Variants in COMMD10 observed in about 807,000 individuals in gnomAD.
COMMD10 encodes the protein COMM domain-containing protein 10.
COMMD10 carries 33 observed loss-of-function variants against 28.9 expected under a neutral mutation model. That is an observed-to-expected ratio of 1.14 (90% CI 0.87 to 1.53). The LOEUF (loss-of-function observed/expected upper bound fraction) is 1.53. Among genes scored for constraint, COMMD10 ranks in the 40% most tolerant of loss-of-function variants. The pLI is 0.00. For missense variants in COMMD10, 310 were observed against 233.4 expected (o/e 1.33, Z -2.14); for synonymous variants, 110 against 81.7 (o/e 1.35, Z -1.87).
chr5:116,120,272 C>G (rs192620084), intron 4 of COMMD10, among the ~76,000 whole-genome samples: 3 of 152,090 alleles, frequency 2.0e-5, no homozygotes, highest in African/African-American at 4.8e-5. Context: ...AAATATCTTA[C>G]GTTCTCCCTT....
intron 5 of COMMD10, among the ~76,000 whole-genome samples, chr5:116,196,130 C>A (rs1046832466): frequency 1.5e-4 from 23 of 152,182 alleles, no homozygotes; most frequent in Admixed American, 9.8e-4. Flanking sequence ...AAGACACTTG[C>A]AAACACGCAT....
At chr5:116,278,938 C>A (rs1214904959) in intron 5 of COMMD10, among the ~76,000 whole-genome samples, 1 of 151,782 alleles carries the variant, frequency 6.6e-6, no homozygotes, top group Non-Finnish European at 1.5e-5. Context: ...ATATTGAAAT[C>A]ATTTAGACAA....
intron 5 of COMMD10, among the ~76,000 whole-genome samples, chr5:116,180,688 C>T (rs899351457): frequency 6.6e-6 from 1 of 151,600 alleles, no homozygotes; most frequent in African/African-American, 2.4e-5. Flanking sequence ...AAAAAATAAA[C>T]TCCCTAACTA....
At chr5:116,127,718 T>C (rs1411182533) in intron 4 of COMMD10, among the ~76,000 whole-genome samples, 3 of 151,226 alleles carry the variant, frequency 2.0e-5, no homozygotes, top group Admixed American at 6.6e-5. Context: ...TAGGTGGGAG[T>C]TGAACAATGA....
intron 5 of COMMD10, among the ~76,000 whole-genome samples, chr5:116,203,640 A>G (rs992796596): frequency 3.3e-5 from 5 of 152,140 alleles, no homozygotes; most frequent in Admixed American, 6.5e-5. Flanking sequence ...CAACCAAACT[A>G]AGCTTCATGA....
At chr5:116,275,958 G>GTA (rs139704662) in intron 5 of COMMD10, among the ~76,000 whole-genome samples, 9,345 of 148,454 alleles carry the variant, frequency 0.063, 397 homozygotes, top group East Asian at 0.14. Flanking sequence ...AAAAAAAAAT[G>GTA]TATATATATA....
rs139685175 is a variant in COMMD10 at position 116,208,682 on chromosome 5, C to T, written c.510+74504C>T. 1.0e-4 allele frequency among the ~76,000 whole-genome samples: 11 copies of T among 106,844 alleles called. No individual in the cohort carries two copies. In the East Asian group the frequency reaches 3.1e-3, roughly 30 times the overall value. The allele number at this position is 106,844 out of a possible 152,430, so 70.1% of individuals were successfully genotyped here. ...TTCCTTTTTTCACTGTGTGAATAGA[C>T]ATAGAGGTGACCACACGTTTTTTTC... On this transcript the variant is annotated intron_variant, in intron 5 of 6. Coordinates refer to ENST00000274458, the MANE Select transcript of COMMD10 (RefSeq NM_016144.4).
At chr5:116,090,440 A>G (rs1394029842) in intron 2 of COMMD10, among the ~76,000 whole-genome samples, 4 of 152,216 alleles carry the variant, frequency 2.6e-5, no homozygotes, top group African/African-American at 9.7e-5. Flanking sequence ...GAACTTAGAA[A>G]TAAACATTTG....
chr5:116,108,257 G>A (rs1224757449), intron 4 of COMMD10, among the ~76,000 whole-genome samples: 1 of 152,244 alleles, frequency 6.6e-6, no homozygotes, highest in East Asian at 1.9e-4. Flanking sequence ...GTTTAAGTCT[G>A]CTGAAGCTGC....
At chr5:116,110,929 C>T (rs1751023554) in intron 4 of COMMD10, among the ~76,000 whole-genome samples, 5 of 152,168 alleles carry the variant, frequency 3.3e-5, no homozygotes, top group Admixed American at 2.6e-4. Flanking sequence ...CCAATCACCT[C>T]CCATCAGGCC....
chr5:116,268,935 C>G (rs150217897), intron 5 of COMMD10, among the ~76,000 whole-genome samples: 1 of 150,096 alleles, frequency 6.7e-6, no homozygotes, highest in Non-Finnish European at 1.5e-5. Flanking sequence ...CATCACAAAC[C>G]GGAGCCTGTT....
rs899306585 is a variant in COMMD10, at chr5:116,085,173, C to T, written c.41+80C>T. ...GCTCGCACAAGGCTGTCCTTGCTGC[C>T]TGCCGCCTGGGCGCCGCGGCGGGCC... On this transcript the variant is annotated intron_variant, in intron 1 of 6. Transcript: ENST00000274458. 5.3e-4 allele frequency: 588 copies of T among 1,119,906 alleles called. 1 individual carries two copies. The highest frequency in any genetic ancestry group is 6.4e-4 in the Non-Finnish European group (535 of 838,894). The allele number at this position is 1,119,906 out of a possible 1,614,324, so 69.4% of individuals were successfully genotyped here.
intron 5 of COMMD10, among the ~76,000 whole-genome samples, chr5:116,179,442 C>T (rs1418616307): frequency 2.0e-5 from 3 of 151,978 alleles, no homozygotes; most frequent in South Asian, 4.1e-4. Flanking sequence ...TCTTTCCATT[C>T]GTAAATACCC....
chr5:116,214,052 G>T (rs1469709876), intron 5 of COMMD10, among the ~76,000 whole-genome samples: 1 of 152,110 alleles, frequency 6.6e-6, no homozygotes, highest in Middle Eastern at 3.4e-3. Context: ...TATTATGTAG[G>T]GTAGCCTAAA....
chr5:116,174,800 A>G (rs1354683027), intron 5 of COMMD10, among the ~76,000 whole-genome samples: 1 of 152,160 alleles, frequency 6.6e-6, no homozygotes, highest in Non-Finnish European at 1.5e-5. Context: ...ACTCTTACTC[A>G]ATTTTTAATC....
At chr5:116,133,530 CATT>C (rs1337595644) in intron 4 of COMMD10, among the ~76,000 whole-genome samples, 1 of 152,142 alleles carries the variant, frequency 6.6e-6, no homozygotes, top group African/African-American at 2.4e-5. Context: ...GTTTCAATCT[CATT>C]GTGTCTAAAG....
At chr5:116,143,212 G>T (rs986830806) in intron 5 of COMMD10, among the ~76,000 whole-genome samples, 1 of 151,222 alleles carries the variant, frequency 6.6e-6, no homozygotes, top group Non-Finnish European at 1.5e-5. Flanking sequence ...GGGTGTGTGT[G>T]TAAGATTTTT....
At chr5:116,087,445 C>A in intron 1 of COMMD10, 52 bp from the exon 2 acceptor site, 1 of 1,020,418 alleles carries the variant, frequency 9.8e-7, no homozygotes, top group Non-Finnish European at 1.6e-6. Context: ...ATAGAAAGTG[C>A]AGTTCAACTT....
intron 5 of COMMD10, among the ~76,000 whole-genome samples, chr5:116,236,916 A>G (rs527430564): frequency 6.6e-6 from 1 of 152,232 alleles, no homozygotes; most frequent in African/African-American, 2.4e-5. Flanking sequence ...AAATTTTTAT[A>G]TCTTCCTCTC....
Sources: allele counts gnomAD v4.1 joint callset (sites outside exome capture counted in the v4.1 genomes callset), GRCh38; gene constraint gnomAD v4.1.1; transcripts MANE v1.5; gene names NCBI Gene and HGNC (gene_info 2026-07-23, HGNC 2026-07-21).